Variants in CD37 observed in about 807,000 individuals in gnomAD.
CD37 encodes leukocyte antigen CD37.
A neutral mutation model predicts 38.9 loss-of-function variants in CD37; 37 were observed. The ratio of observed to expected loss-of-function variants is 0.95; its 90% CI spans 0.73 to 1.25. CD37 has a LOEUF of 1.25. CD37 is among the 50% of genes most tolerant of loss of function. The probability of loss-of-function intolerance (pLI) is 0.00; values close to 1 mark genes in which losing one functional copy is unlikely to be tolerated. For synonymous variants in CD37, 146 were observed against 150.1 expected (o/e 0.97, Z 0.20); for missense variants, 351 against 360.1 (o/e 0.97, Z 0.20).
In CD37 at chr19:49,337,033, G is replaced by A. The variant is rs1235943710; in HGVS notation, c.267G>A (p.Leu89=). 1.2e-6 allele frequency: 2 copies of A among 1,613,296 alleles called. No homozygotes were observed. Among genetic ancestry groups the A allele is most frequent in the Non-Finnish European group, 1.7e-6 (2 of 1,179,502 alleles). Reference sequence around the variant, plus strand: ...AGGAGCTCCGCTGCCTCCTGGGCCTGGTGAGTGCACCATCCCTCTCCGTCC... The same window carrying A: ...AGGAGCTCCGCTGCCTCCTGGGCCTAGTGAGTGCACCATCCCTCTCCGTCC... ...ALKELRCLLG[L]YFGMLLLLFA... Residue 89 remains leucine (L), a splice_region_variant and synonymous_variant, in exon 3 of 8, where the codon CTG becomes CTA. Transcript: ENST00000323906.
At position 49,338,570 on chromosome 19, in the gene CD37, GT is replaced by G; in HGVS notation, c.448-129del. On this transcript the variant is annotated intron_variant, in intron 5 of 7. Transcript: ENST00000323906. This position sits in a 1 kb window ranked among gnomAD's most constrained non-coding sequence, Gnocchi z 5.0. ...GGCCCCATCGTGACCCCAGCCCACTGTCCCCCACTCCACACCCACCACTTAG... is the reference window on the plus strand; with the variant it reads ...GGCCCCATCGTGACCCCAGCCCACTGCCCCCACTCCACACCCACCACTTAG... 1 of 698,930 alleles carries G rather than the reference GT, an allele frequency of 1.4e-6. No homozygotes were observed. The highest frequency in any genetic ancestry group is 2.5e-6 in the Non-Finnish European group (1 of 392,402). The allele number at this position is 698,930 out of a possible 1,614,324, so 43.3% of individuals were successfully genotyped here. A position where few individuals can be genotyped will look rare whatever the true frequency, so the allele number is the denominator to read the frequency against.
intron 3 of CD37, 46 bp from the exon 4 acceptor site, chr19:49,337,101 G>A (rs373001985): frequency 1.2e-5 from 20 of 1,613,844 alleles, no homozygotes; most frequent in East Asian, 2.2e-5. Context: ...GGCCTGGGCC[G>A]GGGTTGCAGG....
rs1971182471 is a variant in CD37 at position 49,340,335 on chromosome 19, C to CGATA, written c.*7_*8insGATA. The stretch of plus-strand genomic sequence containing the variant: ...GCTCGCTCGATACCGTTAGGCCCCG[C>CGATA]CCTCCCCAAAGTCCCGCCCCGCCCC... On this transcript the variant is annotated 3_prime_UTR_variant, in exon 8 of 8. Transcript: ENST00000323906. The CGATA allele has an allele frequency of 6.2e-7, 1 of 1,604,404 alleles. No homozygotes were observed. The highest frequency in any genetic ancestry group is 1.3e-5 in the African/African-American group (1 of 74,702).
chr19:49,337,367 C>T (rs952753261), intron 4 of CD37, 146 bp downstream of exon 4: 10 of 818,040 alleles, frequency 1.2e-5, no homozygotes, highest in East Asian at 2.7e-5. Context: ...TGGTGGCTCA[C>T]GCCTGTAATC....
At position 49,336,960 on chromosome 19, in the gene CD37, G is replaced by C; in HGVS notation, c.194G>C (p.Gly65Ala). 1.2e-6 allele frequency: 2 copies of C among 1,614,156 alleles called. No individual in the cohort carries two copies. The highest frequency in any genetic ancestry group is 8.5e-7 in the Non-Finnish European group (1 of 1,180,006). The change falls in exon 3 of 8, where the codon GGA becomes GCA. Residue 65 changes from glycine (G) to alanine (A), a missense_variant. Gly to Ala is a moderately conservative substitution (Grantham distance 60, BLOSUM62 0). Transcript: ENST00000323906. ...TGGTCCAAAGTCCTGGCCATCTCAG[G>C]AATCTTCACCATGGGCATCGCCCTC... is the stretch of plus-strand genomic sequence containing the variant. ...QIWSKVLAISGIFTMGIALLG... is the reference protein window; with the variant it reads ...QIWSKVLAISAIFTMGIALLG...
Position 49,335,553 on chromosome 19 carries a change from G to A in CD37, c.13G>A (p.Glu5Lys). 4.3e-6 allele frequency: 7 copies of A among 1,613,876 alleles called. No homozygotes were observed. The highest frequency in any genetic ancestry group is 5.9e-6 in the Non-Finnish European group (7 of 1,179,850). The change falls in exon 1 of 8, where the codon GAG becomes AAG. Residue 5 changes from glutamate to lysine, a missense_variant. Glu to Lys is a moderately conservative substitution (Grantham distance 56). Coordinates refer to ENST00000323906, the MANE Select transcript of CD37 (RefSeq NM_001774.3). This position sits in a 1 kb window ranked among gnomAD's most constrained non-coding sequence, Gnocchi z 4.6. The part of the protein sequence containing the change: MSAQ[E>K]SCLSLIKYFL... ...CCACTAGGTGAAGATGTCAGCCCAG[G>A]AGAGCTGCCTCAGCCTCATCAAGTA...
rs752482696 is a variant in CD37 at position 49,336,949 on chromosome 19, G to A, written c.183G>A (p.Leu61=). Residue 61 remains leucine, a synonymous_variant, in exon 3 of 8, where the codon CTG becomes CTA. Coordinates refer to ENST00000323906, the MANE Select transcript of CD37 (RefSeq NM_001774.3). The part of the protein sequence containing the change: ...FVPLQIWSKV[L]AISGIFTMGI... ...CTCTGCAGATCTGGTCCAAAGTCCT[G>A]GCCATCTCAGGAATCTTCACCATGG... 7 of 1,614,040 alleles carry A rather than the reference G, an allele frequency of 4.3e-6. No homozygotes were observed. The East Asian group carries it at 1.1e-4, about 26-fold the overall frequency.
rs540175340 is a variant in CD37, at chr19:49,336,648, GA to G, written c.143-258del. 33 of 445,456 alleles carry G rather than the reference GA, an allele frequency of 7.4e-5. No individual in the cohort carries two copies. The East Asian group carries it at 1.1e-3, about 15-fold the overall frequency. The allele number at this position is 445,456 out of a possible 1,614,324, so 27.6% of individuals were successfully genotyped here. The stretch of plus-strand genomic sequence containing the variant: ...ATGTCACAGAACAAGTGATAGGGCT[GA>G]AACTACTGGGGACGAGGAGGAGCTG... On this transcript the variant is annotated intron_variant, in intron 2 of 7. Transcript: ENST00000323906.
In CD37 at chr19:49,335,492, C is replaced by T. The variant is rs1355985872; in HGVS notation, c.-49C>T. 3.0e-6 allele frequency: 4 copies of T among 1,317,142 alleles called. No individual in the cohort carries two copies. The highest frequency in any genetic ancestry group is 1.7e-5 in the Admixed American group (1 of 59,188). 81.6% of individuals were successfully genotyped at this position (1,317,142 alleles called of 1,614,324 possible). On this transcript the variant is annotated 5_prime_UTR_variant, in exon 1 of 8. Transcript: ENST00000323906. This position sits in a 1 kb window ranked among gnomAD's most constrained non-coding sequence, Gnocchi z 4.6. ...TCTTTCTCCCTGTCTCCCCCACTGTCAGCACCTCTTCTGTGTGGTGAGTGG... is the reference window on the plus strand; with the variant it reads ...TCTTTCTCCCTGTCTCCCCCACTGTTAGCACCTCTTCTGTGTGGTGAGTGG...
At position 49,338,146 on chromosome 19, in the gene CD37, T is replaced by C. The variant is rs1600674702; in HGVS notation, c.447+117T>C. On this transcript the variant is annotated intron_variant, in intron 5 of 7. Coordinates refer to ENST00000323906, the MANE Select transcript of CD37 (RefSeq NM_001774.3). This position sits in a 1 kb window ranked among gnomAD's most constrained non-coding sequence, Gnocchi z 5.0. Reference sequence around the variant, plus strand: ...GCTCTACGATCCTAACACACCCCAATCCCTCCCAGGCCCGACGCTCCCCAC... The same window carrying C: ...GCTCTACGATCCTAACACACCCCAACCCCTCCCAGGCCCGACGCTCCCCAC... 6.8e-7 allele frequency: 1 copy of C among 1,474,530 alleles called. No homozygotes were observed. Among genetic ancestry groups the C allele is most frequent in the Admixed American group, 2.4e-5 (1 of 41,334 alleles). The allele number at this position is 1,474,530 out of a possible 1,614,324, so 91.3% of individuals were successfully genotyped here.
Position 49,338,580 on chromosome 19 carries a change from C to T in CD37, c.448-120C>T. The T allele has an allele frequency of 1.4e-6, 1 of 740,306 alleles. No individual in the cohort carries two copies. Among genetic ancestry groups the T allele is most frequent in the Non-Finnish European group, 2.4e-6 (1 of 421,672 alleles). 45.9% of individuals were successfully genotyped at this position (740,306 alleles called of 1,614,324 possible). On this transcript the variant is annotated intron_variant, in intron 5 of 7. Coordinates refer to ENST00000323906, the MANE Select transcript of CD37 (RefSeq NM_001774.3). This position sits in a 1 kb window ranked among gnomAD's most constrained non-coding sequence, Gnocchi z 5.0. The stretch of plus-strand genomic sequence containing the variant: ...TGACCCCAGCCCACTGTCCCCCACT[C>T]CACACCCACCACTTAGTCCCCTGCT...
In CD37 at chr19:49,338,992, G is replaced by A; in HGVS notation, c.684+56G>A. 1 of 1,367,532 alleles carries A rather than the reference G, an allele frequency of 7.3e-7. No individual in the cohort carries two copies. Among genetic ancestry groups the A allele is most frequent in the Non-Finnish European group, 1.0e-6 (1 of 964,288 alleles). The allele number at this position is 1,367,532 out of a possible 1,614,324, so 84.7% of individuals were successfully genotyped here. On this transcript the variant is annotated intron_variant, in intron 6 of 7. Coordinates refer to ENST00000323906, the MANE Select transcript of CD37 (RefSeq NM_001774.3). This position sits in a 1 kb window ranked among gnomAD's most constrained non-coding sequence, Gnocchi z 5.0. ...GAATGGGGCGGGGCCTGCGGGAGGG[G>A]GAGGGCTGTCAGTGAGTAGCGGCCT...
chr19:49,335,959 T>C lies in CD37; in HGVS notation c.142+173T>C, dbSNP rs1025124616. 1.6e-6 allele frequency: 1 copy of C among 642,888 alleles called. No individual in the cohort carries two copies. Among genetic ancestry groups the C allele is most frequent in the South Asian group, 1.8e-5 (1 of 56,024 alleles). 39.8% of individuals were successfully genotyped at this position (642,888 alleles called of 1,614,324 possible). A position where few individuals can be genotyped will look rare whatever the true frequency, so the allele number is the denominator to read the frequency against. On this transcript the variant is annotated intron_variant, in intron 2 of 7. Coordinates refer to ENST00000323906, the MANE Select transcript of CD37 (RefSeq NM_001774.3). The surrounding 1 kb of genome is among the most constrained non-coding windows in gnomAD (Gnocchi z 4.6). ...TGAGTCTTCTTCCGGCAAATGGGGT[T>C]GTGCATACAAACAACAATGATCATG... is the stretch of plus-strand genomic sequence containing the variant.
chr19:49,337,465 T>TA (rs111968087), intron 4 of CD37, among the ~76,000 whole-genome samples: 2,659 of 149,556 alleles, frequency 0.018, 75 homozygotes, highest in African/African-American at 0.055. Context: ...CATCTATATT[T>TA]AAAAAAAAAA....
Position 49,339,770 on chromosome 19 carries a change from A to C in CD37, c.768+357A>C. On this transcript the variant is annotated intron_variant, in intron 7 of 7. Coordinates refer to ENST00000323906, the MANE Select transcript of CD37 (RefSeq NM_001774.3). The surrounding 1 kb of genome is among the most constrained non-coding windows in gnomAD (Gnocchi z 4.5). Reference sequence around the variant, plus strand: ...AGCCCCGGGCCCAGCCTGATCGCTGACGGCGGCGGCGGGCACAGCGGCAGT... The same window carrying C: ...AGCCCCGGGCCCAGCCTGATCGCTGCCGGCGGCGGCGGGCACAGCGGCAGT... 1 of 1,373,310 alleles carries C rather than the reference A, an allele frequency of 7.3e-7. No individual in the cohort carries two copies. Among genetic ancestry groups the C allele is most frequent in the Non-Finnish European group, 9.4e-7 (1 of 1,065,234 alleles). The allele number at this position is 1,373,310 out of a possible 1,614,324, so 85.1% of individuals were successfully genotyped here.
In CD37 at chr19:49,335,571, A is replaced by G. The variant is rs1970919422; in HGVS notation, c.31A>G (p.Ile11Val). 1.9e-6 allele frequency: 3 copies of G among 1,613,918 alleles called. No individual in the cohort carries two copies. In the African/African-American group the frequency reaches 4.0e-5, roughly 22 times the overall value. The part of the protein sequence containing the change: MSAQESCLSL[I>V]KYFLFVFNLF... ...AGCCCAGGAGAGCTGCCTCAGCCTC[A>G]TCAAGTACTTCCTCTTCGTTTTCAA... is the stretch of plus-strand genomic sequence containing the variant. Residue 11 changes from isoleucine (I) to valine (V), a missense_variant, in exon 1 of 8, where the codon ATC becomes GTC. Ile to Val is a conservative substitution (Grantham distance 29, BLOSUM62 3). Transcript: ENST00000323906. This position sits in a 1 kb window ranked among gnomAD's most constrained non-coding sequence, Gnocchi z 4.6.
At position 49,337,040 on chromosome 19, in the gene CD37, G is replaced by A. The variant is rs751584302; in HGVS notation, c.267+7G>A. ...CCGCTGCCTCCTGGGCCTGGTGAGTGCACCATCCCTCTCCGTCCCTAGGAA... is the reference window on the plus strand; with the variant it reads ...CCGCTGCCTCCTGGGCCTGGTGAGTACACCATCCCTCTCCGTCCCTAGGAA... On this transcript the variant is annotated splice_region_variant and intron_variant, in intron 3 of 7. Coordinates refer to ENST00000323906, the MANE Select transcript of CD37 (RefSeq NM_001774.3). 1.9e-6 allele frequency: 3 copies of A among 1,612,948 alleles called. No homozygotes were observed. The highest frequency in any genetic ancestry group is 4.5e-5 in the East Asian group (2 of 44,872).
Position 49,335,983 on chromosome 19 carries a change from TGA to T in CD37, c.142+201_142+202del, listed in dbSNP as rs2146205764. On this transcript the variant is annotated intron_variant, in intron 2 of 7. Coordinates refer to ENST00000323906, the MANE Select transcript of CD37 (RefSeq NM_001774.3). This position sits in a 1 kb window ranked among gnomAD's most constrained non-coding sequence, Gnocchi z 4.6. Reference sequence around the variant, plus strand: ...TTGTGCATACAAACAACAATGATCATGAGAGCCATTTCTCAAGCACTTCCTAT... The same window carrying T: ...TTGTGCATACAAACAACAATGATCATGAGCCATTTCTCAAGCACTTCCTAT... 1 of 605,176 alleles carries T rather than the reference TGA, an allele frequency of 1.7e-6. No homozygotes were observed. The allele number at this position is 605,176 out of a possible 1,614,324, so 37.5% of individuals were successfully genotyped here.
In CD37 at chr19:49,340,425, A is replaced by G. The variant is rs1042878496; in HGVS notation, c.*97A>G. On this transcript the variant is annotated 3_prime_UTR_variant, in exon 8 of 8. Coordinates refer to ENST00000323906, the MANE Select transcript of CD37 (RefSeq NM_001774.3). Reference sequence around the variant, plus strand: ...TTTGTTTAATCCCCAGTTCGCCTGGAGCCCTCCGCCTTCACATTCCCCTGG... The same window carrying G: ...TTTGTTTAATCCCCAGTTCGCCTGGGGCCCTCCGCCTTCACATTCCCCTGG... 4.5e-5 allele frequency: 40 copies of G among 888,660 alleles called. No homozygotes were observed. The African/African-American group carries it at 6.2e-4, about 14-fold the overall frequency. The allele number at this position is 888,660 out of a possible 1,614,324, so 55.0% of individuals were successfully genotyped here.
Sources: gnomAD v4.1 joint callset for allele counts (sites outside exome capture counted in the v4.1 genomes callset) on GRCh38, gnomAD v4.1.1 for gene constraint, Gnocchi (gnomAD v3.1) non-coding constraint, MANE v1.5 for transcripts, NCBI Gene and HGNC (gene_info 2026-07-23, HGNC 2026-07-21) for gene names.